Variants in STX8 observed in about 807,000 individuals in gnomAD.
STX8 encodes syntaxin 8, also known as syntaxin-8.
Under a neutral mutation model 37.5 loss-of-function variants are expected in STX8, and 23 were observed. The observed-to-expected ratio is 0.61, with a 90% CI of 0.44 to 0.87. The LOEUF (loss-of-function observed/expected upper bound fraction) is 0.87, where lower values mean the gene tolerates loss of function less well. STX8 is among the 40% of genes least tolerant of loss of function. The probability of loss-of-function intolerance (pLI) is 0.00; values close to 1 mark genes in which losing one functional copy is unlikely to be tolerated. For missense variants in STX8, 313 were observed against 284.7 expected, an observed-to-expected ratio of 1.10 and a Z score of -0.71; for synonymous variants, 115 against 99.1, an observed-to-expected ratio of 1.16 and a Z score of -0.95.
intron 3 of STX8, among the ~76,000 whole-genome samples, chr17:9,551,128 G>A (rs987084052): frequency 6.6e-6 from 1 of 152,174 alleles, no homozygotes; most frequent in Admixed American, 6.5e-5. Context: ...CTGCTCTGGC[G>A]AAGGAAGAAG....
At chr17:9,491,716 A>G (rs6503214) in intron 6 of STX8, 113 bp downstream of exon 6, 689,780 of 862,522 alleles carry the variant, frequency 0.8, 280,395 homozygotes, top group Middle Eastern at 0.89. Flanking sequence ...TGTAACAATC[A>G]TTGACATTAA....
At chr17:9,386,843 A>G (rs1912030947) in intron 6 of STX8, among the ~76,000 whole-genome samples, 1 of 151,882 alleles carries the variant, frequency 6.6e-6, no homozygotes, top group Non-Finnish European at 1.5e-5. Context: ...CTCAACTTCT[A>G]CCTTAGGTAT....
intron 7 of STX8, among the ~76,000 whole-genome samples, chr17:9,268,608 T>G (rs1567760965): frequency 6.6e-6 from 1 of 152,226 alleles, no homozygotes; most frequent in Non-Finnish European, 1.5e-5. Flanking sequence ...TGAGGATCCC[T>G]AAAAGTGGTC....
intron 7 of STX8, chr17:9,378,270 T>C (rs1309015955): frequency 3.0e-6 from 1 of 338,042 alleles, no homozygotes; most frequent in Non-Finnish European, 5.6e-6. Flanking sequence ...TATAATGTTA[T>C]ACAATTTCCC....
rs537515146 is a variant in STX8 at position 9,410,791 on chromosome 17, A to AT, written c.542-32139dup. On this transcript the variant is annotated intron_variant, in intron 6 of 7. Transcript: ENST00000306357. ...AAACTCCATGTATTAACTTCATTAC[A>AT]TTTTTTTCCTAAAATGTTTAAAAAC... Among the ~76,000 whole-genome samples, 35 of 152,278 alleles carry AT rather than the reference A, an allele frequency of 2.3e-4. No individual in the cohort carries two copies. The South Asian group carries it at 7.1e-3, about 31-fold the overall frequency.
chr17:9,337,774 C>A (rs371426210), intron 7 of STX8, among the ~76,000 whole-genome samples: 1 of 152,114 alleles, frequency 6.6e-6, no homozygotes, highest in Non-Finnish European at 1.5e-5. Flanking sequence ...AAGGGAAATG[C>A]GGGATAGAAA....
At chr17:9,523,570 C>T (rs945060391) in intron 4 of STX8, among the ~76,000 whole-genome samples, 2 of 152,090 alleles carry the variant, frequency 1.3e-5, no homozygotes, top group Non-Finnish European at 2.9e-5. Context: ...ATGATAAATC[C>T]GTTGAGTGTC....
chr17:9,451,002 AAATG>A (rs1401515096), intron 6 of STX8, among the ~76,000 whole-genome samples: 1 of 152,122 alleles, frequency 6.6e-6, no homozygotes, highest in Non-Finnish European at 1.5e-5. Context: ...AGGAACACAA[AAATG>A]AATAAGACAG....
chr17:9,479,143 T>C (rs1906212912), intron 6 of STX8, among the ~76,000 whole-genome samples: 1 of 152,148 alleles, frequency 6.6e-6, no homozygotes, highest in Non-Finnish European at 1.5e-5. Context: ...CTTGCCAATA[T>C]GGCTATTTCT....
intron 3 of STX8, chr17:9,557,176 A>C (rs1907013828): frequency 2.8e-6 from 1 of 358,998 alleles, no homozygotes; most frequent in Non-Finnish European, 5.3e-6. Context: ...GCACTGACGG[A>C]AAACATTAGC....
chr17:9,571,807 C>T (rs1172952889), intron 1 of STX8, among the ~76,000 whole-genome samples: 1 of 147,852 alleles, frequency 6.8e-6, no homozygotes, highest in East Asian at 2.0e-4. Context: ...CCCAGCTACT[C>T]GGGAGGCTGA....
chr17:9,436,277 G>A (rs1005486346), intron 6 of STX8, among the ~76,000 whole-genome samples: 13 of 151,624 alleles, frequency 8.6e-5, no homozygotes, highest in African/African-American at 3.2e-4. Flanking sequence ...CCCGGGAGGC[G>A]GAGCTTGCAG....
chr17:9,416,093 G>A (rs756935203), intron 6 of STX8, among the ~76,000 whole-genome samples: 47 of 152,182 alleles, frequency 3.1e-4, no homozygotes, highest in Non-Finnish European at 6.0e-4. Context: ...CTCCAGAGCT[G>A]TGCTGACGTG....
intron 6 of STX8, among the ~76,000 whole-genome samples, chr17:9,451,754 AAT>A (rs1256601143): frequency 6.6e-6 from 1 of 151,738 alleles, no homozygotes; most frequent in East Asian, 1.9e-4. Context: ...GTGCAATTTA[AAT>A]ATATTCATAT....
At chr17:9,374,823 G>T (rs1841708402) in intron 7 of STX8, among the ~76,000 whole-genome samples, 1 of 152,024 alleles carries the variant, frequency 6.6e-6, no homozygotes, top group Non-Finnish European at 1.5e-5. Flanking sequence ...CAGCACTTTG[G>T]GAGGCTAAGG....
At chr17:9,428,889 G>A (rs914058518) in intron 6 of STX8, among the ~76,000 whole-genome samples, 4 of 152,066 alleles carry the variant, frequency 2.6e-5, no homozygotes, top group Non-Finnish European at 4.4e-5. Context: ...GGACAACACC[G>A]GTCTATTCAG....
At chr17:9,552,497 G>A (rs1415496474) in intron 3 of STX8, among the ~76,000 whole-genome samples, 3 of 152,104 alleles carry the variant, frequency 2.0e-5, no homozygotes, top group Admixed American at 2.0e-4. Context: ...GCTACCAGGG[G>A]TTACCTGTAA....
chr17:9,534,768 C>T (rs185354006), intron 4 of STX8, among the ~76,000 whole-genome samples: 2 of 151,426 alleles, frequency 1.3e-5, no homozygotes, highest in Admixed American at 1.3e-4. Context: ...AGCCTGGCGA[C>T]ACAGTGAGAT....
intron 3 of STX8, chr17:9,556,805 A>G (rs1301670650): frequency 1.5e-5 from 2 of 132,918 alleles, no homozygotes; most frequent in Non-Finnish European, 3.2e-5. Context: ...ACACATACAT[A>G]TATATATATA....
Sources: gnomAD v4.1 joint callset for allele counts (sites outside exome capture counted in the v4.1 genomes callset) on GRCh38, gnomAD v4.1.1 for gene constraint, MANE v1.5 for transcripts, NCBI Gene and HGNC (gene_info 2026-07-23, HGNC 2026-07-21) for gene names.